RAB38: variants seen among roughly 807,000 people sequenced by gnomAD.
The protein encoded by RAB38 is RAB38, member RAS oncogene family, also known as ras-related protein Rab-38.
Under a neutral mutation model 18.4 loss-of-function variants are expected in RAB38, and 15 were observed. The ratio of observed to expected loss-of-function variants is 0.82; its 90% confidence interval spans 0.55 to 1.26. RAB38 has a LOEUF of 1.26. RAB38 is among the 50% of genes most tolerant of loss of function. The probability of loss-of-function intolerance (pLI) is 0.00; values close to 1 mark genes in which losing one functional copy is unlikely to be tolerated. For synonymous variants in RAB38, 101 were observed against 104.4 expected, an observed-to-expected ratio of 0.97 and a Z score of 0.20; for missense variants, 294 against 267.4, an observed-to-expected ratio of 1.10 and a Z score of -0.69.
At chr11:88,048,475 C>T in the RAB38 span, among the ~76,000 whole-genome samples, 1 of 152,108 alleles carries the variant, frequency 6.6e-6, no homozygotes, top group Non-Finnish European at 1.5e-5. Context: ...CACACCTCAC[C>T]AAGCCCAGCC....
chr11:87,875,521 G>A, the RAB38 span, among the ~76,000 whole-genome samples: 1 of 151,406 alleles, frequency 6.6e-6, no homozygotes, highest in African/African-American at 2.4e-5. Context: ...AATTGCTACT[G>A]GAGTTTTGAT....
intron 1 of RAB38, among the ~76,000 whole-genome samples, chr11:88,155,469 C>T (rs1335463738): frequency 6.7e-6 from 1 of 148,440 alleles, no homozygotes; most frequent in Non-Finnish European, 1.5e-5. Flanking sequence ...TGGAGCAGGG[C>T]AAAGGAAAAG....
the RAB38 span, among the ~76,000 whole-genome samples, chr11:88,108,232 C>T: frequency 6.6e-6 from 1 of 152,032 alleles, no homozygotes; most frequent in Non-Finnish European, 1.5e-5. Flanking sequence ...TAAAGTCTCC[C>T]ACTCTTATTG....
intron 1 of RAB38, among the ~76,000 whole-genome samples, chr11:88,153,962 T>C (rs548847698): frequency 6.6e-6 from 1 of 152,308 alleles, no homozygotes; most frequent in Non-Finnish European, 1.5e-5. Flanking sequence ...AATTGAAGAA[T>C]ACCCCAAATT....
At chr11:87,922,974 A>C in the RAB38 span, among the ~76,000 whole-genome samples, 1 of 151,500 alleles carries the variant, frequency 6.6e-6, no homozygotes, top group African/African-American at 2.4e-5. Context: ...GGAAGGAAGG[A>C]AGGAGAAAAT....
chr11:88,113,174 T>C (rs1381368589), downstream of RAB38: 1 of 149,942 alleles, frequency 6.7e-6, no homozygotes, highest in Non-Finnish European at 1.5e-5. Flanking sequence ...AAATGGATCT[T>C]GAGAACCCTG....
In RAB38 at chr11:88,114,243, T is replaced by A. The variant is rs975182151; in HGVS notation, c.484-103A>T. The stretch of plus-strand genomic sequence containing the variant: ...ATTCATTTAAATATTCCTTCCTATA[T>A]GCTACATATGCATCCCCCTCCTGTT... On this transcript the variant is annotated intron_variant, in intron 2 of 2. Transcript: ENST00000243662. 4 of 1,187,528 alleles carry A rather than the reference T, an allele frequency of 3.4e-6. No individual in the cohort carries two copies. The African/African-American group carries it at 6.1e-5, about 18-fold the overall frequency. The allele number at this position is 1,187,528 out of a possible 1,614,324, so 73.6% of individuals were successfully genotyped here. A position where few individuals can be genotyped will look rare whatever the true frequency, so the allele number is the denominator to read the frequency against.
intron 2 of RAB38, among the ~76,000 whole-genome samples, chr11:88,132,185 C>T (rs7395395): frequency 0.85 from 129,780 of 152,180 alleles, 55,643 homozygotes; most frequent in Middle Eastern, 0.93. Flanking sequence ...GTGTGTTATT[C>T]TAAGCTGTCA....
the RAB38 span, among the ~76,000 whole-genome samples, chr11:88,057,323 C>T: frequency 6.6e-6 from 1 of 152,136 alleles, no homozygotes; most frequent in Non-Finnish European, 1.5e-5. Context: ...CTCATTAGAC[C>T]TGAATAGTCC....
At chr11:87,815,179 C>G in the RAB38 span, 3 of 152,138 alleles carry the variant, frequency 2.0e-5, no homozygotes, top group African/African-American at 7.2e-5. Flanking sequence ...AGGTCAGCCA[C>G]TAAGATCCAG....
chr11:88,024,220 C>A, the RAB38 span, among the ~76,000 whole-genome samples: 1 of 151,876 alleles, frequency 6.6e-6, no homozygotes, highest in African/African-American at 2.4e-5. Context: ...AATAAATGGG[C>A]AAAAGATTTG....
the RAB38 span, among the ~76,000 whole-genome samples, chr11:87,850,103 A>G: frequency 6.6e-6 from 1 of 152,144 alleles, no homozygotes; most frequent in Non-Finnish European, 1.5e-5. Flanking sequence ...CTACATTAAA[A>G]TCTTGAAAAG....
At chr11:88,084,772 T>C in the RAB38 span, among the ~76,000 whole-genome samples, 1 of 151,994 alleles carries the variant, frequency 6.6e-6, no homozygotes, top group East Asian at 1.9e-4. Flanking sequence ...TCCAGTTCTT[T>C]GGAAGTTTCT....
At chr11:87,837,595 A>G in the RAB38 span, among the ~76,000 whole-genome samples, 1 of 152,228 alleles carries the variant, frequency 6.6e-6, no homozygotes, top group Admixed American at 6.5e-5. Context: ...TTTACTGAGA[A>G]TCAGTTTGGT....
At chr11:87,957,915 C>T in the RAB38 span, among the ~76,000 whole-genome samples, 1 of 152,074 alleles carries the variant, frequency 6.6e-6, no homozygotes, top group Admixed American at 6.6e-5. Flanking sequence ...GTTCTGATCC[C>T]TGATATGCTC....
At chr11:87,913,692 T>C in the RAB38 span, among the ~76,000 whole-genome samples, 1 of 152,130 alleles carries the variant, frequency 6.6e-6, no homozygotes, top group African/African-American at 2.4e-5. Context: ...CACGGTAGTC[T>C]CTTGCAAGAC....
chr11:87,808,953 A>G, the RAB38 span, among the ~76,000 whole-genome samples: 1 of 152,194 alleles, frequency 6.6e-6, no homozygotes, highest in Non-Finnish European at 1.5e-5. Flanking sequence ...AACCATGAAA[A>G]TATTAGAAAT....
the RAB38 span, among the ~76,000 whole-genome samples, chr11:88,081,449 G>C: frequency 3.3e-5 from 5 of 151,910 alleles, no homozygotes; most frequent in Non-Finnish European, 5.9e-5. Flanking sequence ...GATGCCAGAA[G>C]TTATGGATGT....
the RAB38 span, among the ~76,000 whole-genome samples, chr11:88,043,935 C>A: frequency 6.6e-6 from 1 of 152,198 alleles, no homozygotes; most frequent in African/African-American, 2.4e-5. Context: ...GAACATCTCA[C>A]CAATTTTAAA....
Sources: gnomAD v4.1 joint callset for allele counts (sites outside exome capture counted in the v4.1 genomes callset) on GRCh38, gnomAD v4.1.1 for gene constraint, MANE v1.5 for transcripts, NCBI Gene and HGNC (gene_info 2026-07-23, HGNC 2026-07-21) for gene names.